Variants in PMFBP1 observed in about 807,000 individuals in gnomAD.
The protein encoded by PMFBP1 is polyamine modulated factor 1 binding protein 1, also known as polyamine-modulated factor 1-binding protein 1.
A neutral mutation model predicts 137.8 loss-of-function variants in PMFBP1; 131 were observed. That is an observed-to-expected ratio of 0.95 (90% CI 0.82 to 1.10). The LOEUF (loss-of-function observed/expected upper bound fraction) is 1.10, where lower values mean the gene tolerates loss of function less well. Ranked by LOEUF, PMFBP1 falls within the 50% of genes least tolerant of loss-of-function variation. The pLI is 0.00. For synonymous variants in PMFBP1, 490 were observed against 450.4 expected, an observed-to-expected ratio of 1.09 and a Z score of -1.11; for missense variants, 1,199 against 1,175.4, an observed-to-expected ratio of 1.02 and a Z score of -0.29.
chr16:72,166,406 T>G (rs886187602), intron 2 of PMFBP1, among the ~76,000 whole-genome samples: 1 of 152,210 alleles, frequency 6.6e-6, no homozygotes, highest in Non-Finnish European at 1.5e-5. Context: ...TCCCCAGCTA[T>G]GTGGAACTGT....
chr16:72,150,977 C>T, intron 4 of PMFBP1, 148 bp from the exon 5 acceptor site: 1 of 699,078 alleles, frequency 1.4e-6, no homozygotes, highest in Non-Finnish European at 2.4e-6. Flanking sequence ...CTAAAAGCTA[C>T]AGTATGTAAT....
the PMFBP1 span, among the ~76,000 whole-genome samples, chr16:72,221,862 T>G: frequency 6.6e-6 from 1 of 152,338 alleles, no homozygotes; most frequent in Admixed American, 6.5e-5. Context: ...TCTCTTGCAA[T>G]ATTTTATGTA....
chr16:72,207,878 G>A, the PMFBP1 span, among the ~76,000 whole-genome samples: 1 of 152,194 alleles, frequency 6.6e-6, no homozygotes, highest in South Asian at 2.1e-4. Flanking sequence ...TGTAGTTCCA[G>A]TGAGAGTCCA....
At chr16:72,229,850 C>T in the PMFBP1 span, among the ~76,000 whole-genome samples, 1 of 151,982 alleles carries the variant, frequency 6.6e-6, no homozygotes, top group Non-Finnish European at 1.5e-5. Context: ...ATTTTTTTTG[C>T]GGTGCCTGAT....
At chr16:72,137,761 G>A (rs2042655012) in intron 7 of PMFBP1, among the ~76,000 whole-genome samples, 1 of 152,190 alleles carries the variant, frequency 6.6e-6, no homozygotes, top group Non-Finnish European at 1.5e-5. Flanking sequence ...GCAGGAACAT[G>A]TGGCTGGGGA....
chr16:72,136,614 G>A lies in PMFBP1; in HGVS notation c.1046-9C>T. Reference sequence around the variant, plus strand: ...CTCCAGCTTCATCATGTCTACCATGGGGCGGGACAGAGTCTATGCTCAGGG... The same window carrying A: ...CTCCAGCTTCATCATGTCTACCATGAGGCGGGACAGAGTCTATGCTCAGGG... On this transcript the variant is annotated splice_polypyrimidine_tract_variant and intron_variant, in intron 8 of 20. Transcript: ENST00000237353. 1 of 1,614,070 alleles carries A rather than the reference G, an allele frequency of 6.2e-7. No individual in the cohort carries two copies. Among genetic ancestry groups the A allele is most frequent in the Non-Finnish European group, 8.5e-7 (1 of 1,180,010 alleles).
chr16:72,244,266 T>A, the PMFBP1 span, among the ~76,000 whole-genome samples: 1 of 152,100 alleles, frequency 6.6e-6, no homozygotes, highest in African/African-American at 2.4e-5. Context: ...GTAATGATTA[T>A]TCTAATATTG....
chr16:72,208,803 G>A, the PMFBP1 span, among the ~76,000 whole-genome samples: 2 of 152,314 alleles, frequency 1.3e-5, no homozygotes, highest in East Asian at 1.9e-4. Context: ...GCATTGGTGC[G>A]AGATGGGTCA....
intron 3 of PMFBP1, among the ~76,000 whole-genome samples, chr16:72,161,515 G>A (rs1357451499): frequency 1.3e-5 from 2 of 152,006 alleles, no homozygotes; most frequent in African/African-American, 2.4e-5. Flanking sequence ...TCTTTCTGAC[G>A]TAGACATTCT....
chr16:72,180,166 C>A (rs558193204), upstream of PMFBP1, among the ~76,000 whole-genome samples: 10 of 152,228 alleles, frequency 6.6e-5, no homozygotes, highest in East Asian at 1.9e-3. Flanking sequence ...GGTACCTTTC[C>A]CATGGTTGCT....
intron 19 of PMFBP1, 107 bp downstream of exon 19, chr16:72,122,807 C>T: frequency 9.6e-7 from 1 of 1,036,862 alleles, no homozygotes; most frequent in East Asian, 2.4e-5. Context: ...AGCACCAGGC[C>T]TTTCCTGGGC....
At chr16:72,186,383 T>G in the PMFBP1 span, among the ~76,000 whole-genome samples, 2 of 152,192 alleles carry the variant, frequency 1.3e-5, no homozygotes, top group Non-Finnish European at 2.9e-5. Flanking sequence ...CATTTGATCC[T>G]ACTTTTGATT....
At chr16:72,239,885 C>CAAAAAAAAAAAAAAAA in the PMFBP1 span, among the ~76,000 whole-genome samples, 1 of 21,402 alleles carries the variant, frequency 4.7e-5, no homozygotes, top group African/African-American at 2.3e-4. Flanking sequence ...ACTCCATGTA[C>CAAAAAAAAAAAAAAAA]AAAAAAAAAA....
At chr16:72,219,889 T>A in the PMFBP1 span, among the ~76,000 whole-genome samples, 1 of 152,214 alleles carries the variant, frequency 6.6e-6, no homozygotes, top group Admixed American at 6.5e-5. Flanking sequence ...GTCTTGGCCA[T>A]GTTAGGGTTC....
the PMFBP1 span, among the ~76,000 whole-genome samples, chr16:72,229,921 C>T: frequency 1.3e-5 from 2 of 152,104 alleles, no homozygotes; most frequent in East Asian, 3.9e-4. Flanking sequence ...CAAAGTAGGG[C>T]CCTAGAAAAT....
the PMFBP1 span, among the ~76,000 whole-genome samples, chr16:72,245,808 C>G: frequency 6.6e-6 from 1 of 152,198 alleles, no homozygotes; most frequent in Non-Finnish European, 1.5e-5. Flanking sequence ...TTCACTCTCT[C>G]TCTCCAACCA....
In PMFBP1 at chr16:72,150,795, T is replaced by C. The variant is rs1185203345; in HGVS notation, c.449A>G (p.Asn150Ser). The C allele has an allele frequency of 1.2e-6, 2 of 1,614,114 alleles. No individual in the cohort carries two copies. Among genetic ancestry groups the C allele is most frequent in the Admixed American group, 3.3e-5 (2 of 60,032 alleles). The change falls in exon 5 of 21, where the codon AAC becomes AGC. Residue 150 changes from asparagine (N) to serine (S), a missense_variant. Asn to Ser is a conservative substitution (Grantham distance 46, BLOSUM62 1). Transcript: ENST00000237353. The part of the protein sequence containing the change: ...ILYEEEMGNH[N>S]ENTGEKLHLA... Reference sequence around the variant, plus strand: ...ATGGAGCTTCTCCCCTGTGTTCTCGTTGTGATTTCCCATTTCCTCCTCATA... The same window carrying C: ...ATGGAGCTTCTCCCCTGTGTTCTCGCTGTGATTTCCCATTTCCTCCTCATA...
In PMFBP1 at chr16:72,125,300, T is replaced by G; in HGVS notation, c.2359A>C (p.Met787Leu). 1 of 1,614,180 alleles carries G rather than the reference T, an allele frequency of 6.2e-7. No homozygotes were observed. The highest frequency in any genetic ancestry group is 8.5e-7 in the Non-Finnish European group (1 of 1,180,036). The change falls in exon 16 of 21, where the codon ATG becomes CTG. Residue 787 changes from methionine to leucine, a missense_variant. Transcript: ENST00000237353. ...CTTAATTCCGTATTGAGCTTTTTCA[T>G]CCTTTCCTCATAAGCAATGATTTCC... ...EEEIIAYEER[M>L]KKLNTELRKL...
chr16:72,197,009 A>G, the PMFBP1 span, among the ~76,000 whole-genome samples: 2 of 152,170 alleles, frequency 1.3e-5, no homozygotes, highest in African/African-American at 2.4e-5. Flanking sequence ...TCCCCTTGGG[A>G]ACATGCATTT....
Sources: allele counts gnomAD v4.1 joint callset (sites outside exome capture counted in the v4.1 genomes callset), GRCh38; gene constraint gnomAD v4.1.1; transcripts MANE v1.5; gene names NCBI Gene and HGNC (gene_info 2026-07-23, HGNC 2026-07-21).